The following CHRM3 variants were observed in gnomAD, a reference collection of about 807,000 sequenced individuals.
CHRM3 encodes cholinergic receptor muscarinic 3.
A neutral mutation model predicts 41.8 loss-of-function variants in CHRM3; 11 were observed. The observed-to-expected ratio is 0.26, with a 90% CI of 0.17 to 0.44. The LOEUF (loss-of-function observed/expected upper bound fraction) is 0.44. Among genes scored for constraint, CHRM3 ranks in the 20% least tolerant of loss-of-function variants. The pLI is 1.00. For missense variants in CHRM3, 571 were observed against 745.4 expected (o/e 0.77, Z 2.72); for synonymous variants, 297 against 301.4 (o/e 0.99, Z 0.15).
chr1:239,775,036 G>A (rs1276793938), intron 5 of CHRM3, among the ~76,000 whole-genome samples: 2 of 152,096 alleles, frequency 1.3e-5, no homozygotes, highest in Non-Finnish European at 2.9e-5. Flanking sequence ...TATGAATTCA[G>A]TCTTTCTAGA....
chr1:239,805,550 T>C (rs1403640347), intron 5 of CHRM3, among the ~76,000 whole-genome samples: 1 of 152,126 alleles, frequency 6.6e-6, no homozygotes, highest in East Asian at 1.9e-4. Context: ...AAGAACTGCC[T>C]CCTTCATGCT....
At chr1:239,435,457 TA>T (rs199621116) in intron 1 of CHRM3, among the ~76,000 whole-genome samples, 33,543 of 136,138 alleles carry the variant, frequency 0.25, 3,819 homozygotes, top group South Asian at 0.31. Context: ...TCATAAAATT[TA>T]AAAAAAAAAA....
At chr1:239,565,943 C>G (rs1411858149) in intron 3 of CHRM3, among the ~76,000 whole-genome samples, 1 of 140,674 alleles carries the variant, frequency 7.1e-6, no homozygotes, top group Non-Finnish European at 1.5e-5. Context: ...AGACAGGTCT[C>G]CCACTCAGTT....
At chr1:239,772,325 TA>T (rs1000982205) in intron 5 of CHRM3, among the ~76,000 whole-genome samples, 21 of 152,192 alleles carry the variant, frequency 1.4e-4, no homozygotes, top group Admixed American at 1.2e-3. Context: ...TAATTTTTTG[TA>T]TTTTCGTAGA....
intron 3 of CHRM3, among the ~76,000 whole-genome samples, chr1:239,556,465 CT>C (rs1447129694): frequency 1.3e-5 from 2 of 152,160 alleles, no homozygotes; most frequent in East Asian, 1.9e-4. Context: ...TTAAGTTGCC[CT>C]TTTTTTCCAC....
At chr1:239,759,191 T>G (rs1666516168) in intron 5 of CHRM3, among the ~76,000 whole-genome samples, 4 of 135,428 alleles carry the variant, frequency 3.0e-5, no homozygotes. Context: ...TGTTTTTTTT[T>G]TTTTTAGAGA....
intron 3 of CHRM3, among the ~76,000 whole-genome samples, chr1:239,557,671 G>T (rs1289453774): frequency 6.6e-6 from 1 of 152,100 alleles, no homozygotes; most frequent in Non-Finnish European, 1.5e-5. Context: ...AGTGTGTGTT[G>T]TTCCCCTCCC....
At chr1:239,495,110 T>G in intron 2 of CHRM3, among the ~76,000 whole-genome samples, 1 of 152,202 alleles carries the variant, frequency 6.6e-6, no homozygotes, top group East Asian at 1.9e-4. Flanking sequence ...TTTATTCCAA[T>G]GGATAATGAA....
intron 2 of CHRM3, among the ~76,000 whole-genome samples, chr1:239,522,402 G>A (rs998614034): frequency 6.6e-6 from 1 of 152,222 alleles, no homozygotes; most frequent in African/African-American, 2.4e-5. Context: ...TCCCTTAGTA[G>A]ATCGTCCGGG....
At position 239,834,551 on chromosome 1, in the gene CHRM3, G is replaced by A. The variant is rs1386874872; in HGVS notation, c.-20+7173G>A. 2.6e-5 allele frequency among the ~76,000 whole-genome samples: 4 copies of A among 152,050 alleles called. No individual in the cohort carries two copies. In the East Asian group the frequency reaches 7.7e-4, roughly 29 times the overall value. ...AAGCATTCTACACTTACCTGCTCCT[G>A]ACAGCCAAGTTCATACAGTCCCCAC... On this transcript the variant is annotated intron_variant, in intron 6 of 6. Transcript: ENST00000676153.
At chr1:239,845,783 C>A (rs1206698966) in intron 6 of CHRM3, among the ~76,000 whole-genome samples, 1 of 152,250 alleles carries the variant, frequency 6.6e-6, no homozygotes, top group African/African-American at 2.4e-5. Context: ...GTTTTCATGG[C>A]TTCACCATTA....
intron 6 of CHRM3, among the ~76,000 whole-genome samples, chr1:239,868,989 G>A (rs186931432): frequency 9.2e-5 from 14 of 152,264 alleles, no homozygotes; most frequent in Admixed American, 8.5e-4. Context: ...CCTGGGGTGG[G>A]GATTCCTGTA....
intron 1 of CHRM3, among the ~76,000 whole-genome samples, chr1:239,438,619 A>G (rs1438502621): frequency 6.6e-6 from 1 of 152,132 alleles, no homozygotes; most frequent in East Asian, 1.9e-4. Flanking sequence ...TGGCAGGGCT[A>G]TTGTGCGATT....
intron 2 of CHRM3, among the ~76,000 whole-genome samples, chr1:239,512,115 G>C (rs1668961907): frequency 6.6e-6 from 1 of 152,132 alleles, no homozygotes; most frequent in Non-Finnish European, 1.5e-5. Context: ...CGGGCACTAG[G>C]ATGGGTTAAG....
intron 4 of CHRM3, among the ~76,000 whole-genome samples, chr1:239,677,473 A>G (rs1278038817): frequency 1.3e-5 from 2 of 152,222 alleles, no homozygotes; most frequent in African/African-American, 4.8e-5. Flanking sequence ...GTAATTCACA[A>G]TCAACAGACA....
intron 2 of CHRM3, among the ~76,000 whole-genome samples, chr1:239,534,183 C>A (rs1289160572): frequency 6.6e-6 from 1 of 152,126 alleles, no homozygotes; most frequent in Non-Finnish European, 1.5e-5. Context: ...CAAAAATTAG[C>A]CAGGCCTGGT....
chr1:239,884,334 T>C (rs752368486), intron 6 of CHRM3, among the ~76,000 whole-genome samples: 2 of 152,270 alleles, frequency 1.3e-5, no homozygotes, highest in East Asian at 3.9e-4. Flanking sequence ...ATTGAATTGA[T>C]GTAGTTATAA....
intron 2 of CHRM3, among the ~76,000 whole-genome samples, chr1:239,507,613 A>G (rs1053871720): frequency 6.6e-6 from 1 of 152,222 alleles, no homozygotes; most frequent in Non-Finnish European, 1.5e-5. Flanking sequence ...AAACATAAAG[A>G]TATCACCTTC....
intron 1 of CHRM3, among the ~76,000 whole-genome samples, chr1:239,436,539 C>T (rs1302635379): frequency 1.3e-5 from 2 of 151,874 alleles, no homozygotes; most frequent in South Asian, 2.1e-4. Context: ...CCCTTTGAAT[C>T]GCCGGCTCTG....
Sources: gnomAD v4.1 joint callset for allele counts (sites outside exome capture counted in the v4.1 genomes callset) on GRCh38, gnomAD v4.1.1 for gene constraint, MANE v1.5 for transcripts, NCBI Gene and HGNC (gene_info 2026-07-23, HGNC 2026-07-21) for gene names.